WDPCP: variants seen among roughly 807,000 people sequenced by gnomAD.
WDPCP encodes WD repeat-containing and planar cell polarity effector protein fritz homolog.
In WDPCP, 71 loss-of-function variants were observed where a neutral mutation model predicts 93.1. The observed-to-expected ratio is 0.76, with a 90% CI of 0.63 to 0.93. WDPCP has a LOEUF of 0.93. Among genes scored for constraint, WDPCP ranks in the 40% least tolerant of loss-of-function variants. The probability of loss-of-function intolerance (pLI) is 0.00; values close to 1 mark genes in which losing one functional copy is unlikely to be tolerated. For missense variants in WDPCP, 844 were observed against 887.4 expected, an observed-to-expected ratio of 0.95 and a Z score of 0.62; for synonymous variants, 315 against 315.0, an observed-to-expected ratio of 1.00 and a Z score of 0.00.
intron 12 of WDPCP, 25 bp from the exon 13 acceptor site, chr2:63,313,336 G>T: frequency 6.2e-7 from 1 of 1,602,188 alleles, no homozygotes; most frequent in Non-Finnish European, 8.5e-7. Context: ...AAAATATTAT[G>T]TTAGTTGTGA....
chr2:63,285,956 T>C (rs1683966042), intron 13 of WDPCP, among the ~76,000 whole-genome samples: 1 of 151,992 alleles, frequency 6.6e-6, no homozygotes, highest in Non-Finnish European at 1.5e-5. Context: ...TCAGTACACA[T>C]GGAACATTAA....
chr2:63,591,688 T>G (rs1468476446), upstream of WDPCP, among the ~76,000 whole-genome samples: 34 of 152,226 alleles, frequency 2.2e-4, no homozygotes. Flanking sequence ...AAATACTTTT[T>G]GTGGAAATGC....
intron 13 of WDPCP, among the ~76,000 whole-genome samples, chr2:63,273,297 A>G (rs147626261): frequency 1.8e-3 from 273 of 152,324 alleles, no homozygotes; most frequent in Middle Eastern, 0.017. Flanking sequence ...ATGAAAACAC[A>G]TAAAGTATAA....
chr2:63,427,021 C>A (rs533549161), intron 9 of WDPCP, among the ~76,000 whole-genome samples: 1 of 152,120 alleles, frequency 6.6e-6, no homozygotes, highest in African/African-American at 2.4e-5. Context: ...AAAAAAGGTT[C>A]GATTCAACAA....
intron 6 of WDPCP, among the ~76,000 whole-genome samples, chr2:63,456,703 A>G (rs1054616722): frequency 6.6e-6 from 1 of 152,148 alleles, no homozygotes; most frequent in African/African-American, 2.4e-5. Context: ...AAAAATTACA[A>G]AGGATCAATG....
At chr2:63,666,602 C>G (rs142644131) in intron 2 of WDPCP, among the ~76,000 whole-genome samples, 4 of 152,298 alleles carry the variant, frequency 2.6e-5, no homozygotes, top group African/African-American at 9.6e-5. Context: ...ACAGTTTAGT[C>G]CTGTGTGCTA....
intron 12 of WDPCP, among the ~76,000 whole-genome samples, chr2:63,361,747 C>A (rs994530031): frequency 6.6e-6 from 1 of 151,992 alleles, no homozygotes; most frequent in East Asian, 1.9e-4. Flanking sequence ...GCAAACAGTG[C>A]AAGTGAAGAG....
At chr2:63,409,248 C>T (rs952141620) in intron 9 of WDPCP, among the ~76,000 whole-genome samples, 2 of 152,162 alleles carry the variant, frequency 1.3e-5, no homozygotes, top group Non-Finnish European at 2.9e-5. Context: ...CCCCCAGTAC[C>T]AGACCAGAGC....
intron 2 of WDPCP, among the ~76,000 whole-genome samples, chr2:63,738,834 G>C (rs542736890): frequency 4.5e-4 from 68 of 151,918 alleles, no homozygotes; most frequent in African/African-American, 1.5e-3. Flanking sequence ...ACCACCTAGA[G>C]CAAGAAAGAG....
At chr2:63,461,993 T>C (rs1305101396) in intron 6 of WDPCP, among the ~76,000 whole-genome samples, 13 of 152,218 alleles carry the variant, frequency 8.5e-5, no homozygotes, top group Admixed American at 8.5e-4. Context: ...AGCCATCCCA[T>C]TACTGGGTGT....
At chr2:63,551,734 TTAAAAG>T (rs2106360715) in intron 1 of WDPCP, among the ~76,000 whole-genome samples, 1 of 152,290 alleles carries the variant, frequency 6.6e-6, no homozygotes, top group East Asian at 1.9e-4. Flanking sequence ...TCAAAATATG[TTAAAAG>T]CAAAATGCTG....
At chr2:63,598,229 A>G (rs948981296) in intron 3 of WDPCP, 9 of 152,296 alleles carry the variant, frequency 5.9e-5, no homozygotes, top group African/African-American at 2.2e-4. Flanking sequence ...CCCGGGTTCA[A>G]GCGATTCTCC....
intron 9 of WDPCP, among the ~76,000 whole-genome samples, chr2:63,409,356 C>T (rs1313703148): frequency 6.6e-6 from 1 of 152,194 alleles, no homozygotes; most frequent in African/African-American, 2.4e-5. Context: ...GGGGAGAGTA[C>T]TACATCAAGA....
At chr2:63,602,358 T>G (rs1404464966) in intron 3 of WDPCP, among the ~76,000 whole-genome samples, 5 of 147,954 alleles carry the variant, frequency 3.4e-5, no homozygotes, top group Non-Finnish European at 6.0e-5. Flanking sequence ...TTTTTTTTTT[T>G]TTTTTTTTTT....
chr2:63,447,666 A>T (rs1697957323), intron 6 of WDPCP, among the ~76,000 whole-genome samples: 1 of 152,164 alleles, frequency 6.6e-6, no homozygotes, highest in Non-Finnish European at 1.5e-5. Flanking sequence ...TTTACTAAAA[A>T]GATTGCCATT....
chr2:63,751,733 A>G, intron 2 of WDPCP: 3 of 560,330 alleles, frequency 5.4e-6, no homozygotes, highest in Non-Finnish European at 1.0e-5. Flanking sequence ...TGCTACTGAA[A>G]TTGACATAGT....
chr2:63,338,569 A>AATAT (rs1159039677), intron 12 of WDPCP, among the ~76,000 whole-genome samples: 26 of 14,442 alleles, frequency 1.8e-3, no homozygotes, highest in South Asian at 9.4e-3. Context: ...AAAAAAAAAA[A>AATAT]ATATATATAT....
intron 3 of WDPCP, chr2:63,642,306 G>A (rs1422073044): frequency 6.6e-6 from 1 of 151,918 alleles, no homozygotes; most frequent in Non-Finnish European, 1.5e-5. Context: ...GGGTTTTTGT[G>A]GTTTATATAC....
intron 2 of WDPCP, among the ~76,000 whole-genome samples, chr2:63,759,651 G>A (rs1670025505): frequency 6.6e-6 from 1 of 152,132 alleles, no homozygotes; most frequent in South Asian, 2.1e-4. Context: ...GCAGCCAGGG[G>A]CCCCTGCCCC....
Sources: gnomAD v4.1 joint callset for allele counts (sites outside exome capture counted in the v4.1 genomes callset) on GRCh38, gnomAD v4.1.1 for gene constraint, MANE v1.5 for transcripts, NCBI Gene and HGNC (gene_info 2026-07-23, HGNC 2026-07-21) for gene names.